Variants in P4HTM observed in about 807,000 individuals in gnomAD.
P4HTM encodes the protein prolyl 4-hydroxylase, transmembrane, also known as transmembrane prolyl 4-hydroxylase.
A neutral mutation model predicts 55.3 loss-of-function variants in P4HTM; 33 were observed. The observed-to-expected ratio is 0.60, with a 90% CI of 0.45 to 0.80. The LOEUF (loss-of-function observed/expected upper bound fraction) is 0.80, where lower values mean the gene tolerates loss of function less well. P4HTM is among the 30% of genes least tolerant of loss of function. The pLI is 0.00. For synonymous variants in P4HTM, 272 were observed against 286.4 expected (o/e 0.95, Z 0.51); for missense variants, 542 against 696.5 (o/e 0.78, Z 2.50).
chr3:49,005,750 CT>C (rs1285302223), intron 6 of P4HTM, 26 bp from the exon 7 acceptor site: 3 of 1,578,192 alleles, frequency 1.9e-6, no homozygotes, highest in Non-Finnish European at 2.6e-6. Context: ...AACTGGGGAC[CT>C]GCTCAGTGCC....
chr3:49,006,689 TG>T lies in P4HTM; in HGVS notation c.1294del (p.Val432TrpfsTer4). The T allele has an allele frequency of 6.2e-7, 1 of 1,612,872 alleles. No individual in the cohort carries two copies. Among genetic ancestry groups the T allele is most frequent in the Non-Finnish European group, 8.5e-7 (1 of 1,179,380 alleles). On this transcript the variant is annotated frameshift_variant, in exon 9 of 9. Coordinates refer to ENST00000383729, the MANE Select transcript of P4HTM (RefSeq NM_177939.3). LOFTEE classifies it high-confidence loss of function. ...CTCACGTCACCCTCCTCTTCTAGGT[TG>T]GGTGGGTGACGTAGACGACTACTCG... ...WYNYLPDGQG[W>X]VGDVDDYSLH... is the part of the protein sequence containing the mutation.
chr3:49,004,653 G>C (rs746543610), intron 5 of P4HTM: 4 of 598,888 alleles, frequency 6.7e-6, no homozygotes, highest in Middle Eastern at 4.5e-4. Context: ...CACATAGCAG[G>C]TGTCTCTGTC....
At chr3:49,003,176 T>G (rs2092966718) in intron 4 of P4HTM, 1 of 218,004 alleles carries the variant, frequency 4.6e-6, no homozygotes, top group Non-Finnish European at 9.3e-6. Flanking sequence ...CTCAGGAGGT[T>G]TCTGAGGTGT....
At chr3:48,993,440 G>T (rs1446195490) in intron 2 of P4HTM, among the ~76,000 whole-genome samples, 1 of 152,146 alleles carries the variant, frequency 6.6e-6, no homozygotes, top group Non-Finnish European at 1.5e-5. Flanking sequence ...ACTATGAACA[G>T]ACACATCTGA....
chr3:49,004,696 T>TA, intron 5 of P4HTM, 165 bp from the exon 6 acceptor site: 1 of 665,962 alleles, frequency 1.5e-6, no homozygotes, highest in Admixed American at 2.6e-5. Context: ...TCATCATGAG[T>TA]AACCCCCTCC....
chr3:49,004,311 G>A, intron 5 of P4HTM, 51 bp downstream of exon 5: 1 of 1,486,604 alleles, frequency 6.7e-7, no homozygotes, highest in Non-Finnish European at 9.0e-7. Context: ...GACTGGGCAG[G>A]GCCTCCACAG....
chr3:48,990,768 G>C lies in P4HTM; in HGVS notation c.355-65G>C, dbSNP rs1386192850. 8 of 1,561,346 alleles carry C rather than the reference G, an allele frequency of 5.1e-6. No homozygotes were observed. Among genetic ancestry groups the C allele is most frequent in the Non-Finnish European group, 7.0e-6 (8 of 1,139,394 alleles). ...CTGCTGTCGCTCTCCGGGCCGGGGC[G>C]ACTTGGCCCTTCTTGGGCAGCGCGG... On this transcript the variant is annotated intron_variant, in intron 1 of 8. Transcript: ENST00000383729. The surrounding 1 kb of genome is among the most constrained non-coding windows in gnomAD (Gnocchi z 7.2).
In P4HTM at chr3:49,005,634, G is replaced by T. The variant is rs952679843; in HGVS notation, c.1074-143G>T. The T allele has an allele frequency of 1.3e-5, 18 of 1,424,212 alleles. No individual in the cohort carries two copies. The African/African-American group carries it at 2.3e-4, about 18-fold the overall frequency. The allele number at this position is 1,424,212 out of a possible 1,614,324, so 88.2% of individuals were successfully genotyped here. On this transcript the variant is annotated intron_variant, in intron 6 of 8. Coordinates refer to ENST00000383729, the MANE Select transcript of P4HTM (RefSeq NM_177939.3). ...GGGAAGGAGGGGCTAGGGACATTTTGGCACTGGCCTGCCCTATTGTCTCCC... is the reference window on the plus strand; with the variant it reads ...GGGAAGGAGGGGCTAGGGACATTTTTGCACTGGCCTGCCCTATTGTCTCCC...
intron 4 of P4HTM, chr3:49,003,732 G>T: frequency 5.2e-6 from 1 of 190,850 alleles, no homozygotes; most frequent in South Asian, 1.1e-4. Flanking sequence ...ACCCTCCACA[G>T]GCCGGAGAGT....
At chr3:48,992,122 T>G (rs1231258082) in intron 2 of P4HTM, 1 of 152,158 alleles carries the variant, frequency 6.6e-6, no homozygotes, top group Non-Finnish European at 1.5e-5. Context: ...AGGCACTATT[T>G]TAGGTGCCAG....
chr3:48,998,440 C>G (rs529560326), intron 2 of P4HTM: 8 of 152,218 alleles, frequency 5.3e-5, no homozygotes, highest in Non-Finnish European at 1.2e-4. Context: ...ACCCCTGTCT[C>G]GTGGCCTGGA....
intron 2 of P4HTM, 200 bp from the exon 3 acceptor site, chr3:49,001,238 A>G (rs983114662): frequency 8.1e-6 from 5 of 613,564 alleles, no homozygotes; most frequent in East Asian, 2.8e-5. Context: ...GAGGTCCCAC[A>G]TTTCCAACGC....
intron 2 of P4HTM, among the ~76,000 whole-genome samples, chr3:48,995,545 C>T (rs1448078158): frequency 6.6e-6 from 1 of 152,120 alleles, no homozygotes; most frequent in Non-Finnish European, 1.5e-5. Flanking sequence ...TGATTTGTCT[C>T]AGCTGTGTGT....
Position 48,990,286 on chromosome 3 carries a change from G to A in P4HTM, c.30G>A (p.Arg10=). The A allele has an allele frequency of 7.6e-7, 1 of 1,317,006 alleles. No homozygotes were observed. Among genetic ancestry groups the A allele is most frequent in the East Asian group, 3.2e-5 (1 of 31,336 alleles). The allele number at this position is 1,317,006 out of a possible 1,614,324, so 81.6% of individuals were successfully genotyped here. A position where few individuals can be genotyped will look rare whatever the true frequency, so the allele number is the denominator to read the frequency against. Reference sequence around the variant, plus strand: ...CGGCAGCGGCGGTGACAGGCCAGCGGCCTGAGACCGCGGCGGCCGAGGAGG... The same window carrying A: ...CGGCAGCGGCGGTGACAGGCCAGCGACCTGAGACCGCGGCGGCCGAGGAGG... MAAAAVTGQ[R]PETAAAEEAS... Residue 10 remains arginine (R), a synonymous_variant, in exon 1 of 9, where the codon CGG becomes CGA. Transcript: ENST00000383729. The surrounding 1 kb of genome is among the most constrained non-coding windows in gnomAD (Gnocchi z 7.2).
Position 49,002,050 on chromosome 3 carries a change from G to T in P4HTM, c.627+422G>T, listed in dbSNP as rs1197142039. 6.6e-6 allele frequency among the ~76,000 whole-genome samples: 1 copy of T among 152,220 alleles called. No homozygotes were observed. Among genetic ancestry groups the T allele is most frequent in the Non-Finnish European group, 1.5e-5 (1 of 68,040 alleles). ...GCTTCTGAGAGAAGTCTGGCAGGGT[G>T]GTGGTGCGGGGCACTGCCCACACAG... On this transcript the variant is annotated intron_variant, in intron 3 of 8. Coordinates refer to ENST00000383729, the MANE Select transcript of P4HTM (RefSeq NM_177939.3). This position sits in a 1 kb window ranked among gnomAD's most constrained non-coding sequence, Gnocchi z 4.4.
chr3:48,990,453 T>C lies in P4HTM; in HGVS notation c.197T>C (p.Val66Ala). ...CGCGCCTACTTCCTGGTGCTGATGGTGTTCGTGCACCTGTACCTGGGTAAC... is the reference window on the plus strand; with the variant it reads ...CGCGCCTACTTCCTGGTGCTGATGGCGTTCGTGCACCTGTACCTGGGTAAC... ...CSRAYFLVLM[V>A]FVHLYLGNVL... is the part of the protein sequence containing the mutation. Residue 66 changes from valine to alanine, a missense_variant, in exon 1 of 9, where the codon GTG becomes GCG. Transcript: ENST00000383729. The surrounding 1 kb of genome is among the most constrained non-coding windows in gnomAD (Gnocchi z 7.2). 1 of 1,610,418 alleles carries C rather than the reference T, an allele frequency of 6.2e-7. No individual in the cohort carries two copies. The highest frequency in any genetic ancestry group is 8.5e-7 in the Non-Finnish European group (1 of 1,179,226).
chr3:49,001,208 G>A (rs929012516), intron 2 of P4HTM: 8 of 567,556 alleles, frequency 1.4e-5, no homozygotes, highest in Non-Finnish European at 2.2e-5. Context: ...CCTGGAAAAT[G>A]TGTGCTCTCA....
chr3:49,002,139 C>T lies in P4HTM; in HGVS notation c.628-361C>T, dbSNP rs147140341. Among the ~76,000 whole-genome samples the T allele has an allele frequency of 3.4e-3, 513 of 152,360 alleles. 5 individuals carry two copies. Among genetic ancestry groups the T allele is most frequent in the African/African-American group, 0.012 (483 of 41,584 alleles). On this transcript the variant is annotated intron_variant, in intron 3 of 8. Transcript: ENST00000383729. This position sits in a 1 kb window ranked among gnomAD's most constrained non-coding sequence, Gnocchi z 4.4. ...GGTCATGCCCTAACCAGGTCTCCCC[C>T]TGGTGCCTGTTCTCCCTTAACACCC...
At chr3:48,992,415 G>T (rs1246650012) in intron 2 of P4HTM, among the ~76,000 whole-genome samples, 1 of 151,948 alleles carries the variant, frequency 6.6e-6, no homozygotes, top group Non-Finnish European at 1.5e-5. Flanking sequence ...AGGCCAGCCT[G>T]ACCAACATGG....
Sources: gnomAD v4.1 joint callset for allele counts (sites outside exome capture counted in the v4.1 genomes callset) on GRCh38, gnomAD v4.1.1 for gene constraint, Gnocchi (gnomAD v3.1) non-coding constraint, MANE v1.5 for transcripts, NCBI Gene and HGNC (gene_info 2026-07-23, HGNC 2026-07-21) for gene names.